The following ARIH2 variants were observed in gnomAD, a reference collection of about 807,000 sequenced individuals.
The protein encoded by ARIH2 is ariadne RBR E3 ubiquitin protein ligase 2.
In ARIH2, 12 loss-of-function variants were observed where a neutral mutation model predicts 79.8. That is an observed-to-expected ratio of 0.15 (90% CI 0.10 to 0.24). The LOEUF is 0.24. Among genes scored for constraint, ARIH2 ranks in the 10% least tolerant of loss-of-function variants. ARIH2 has a pLI of 1.00. For synonymous variants in ARIH2, 224 were observed against 213.9 expected, an observed-to-expected ratio of 1.05 and a Z score of -0.41; for missense variants, 301 against 618.3, an observed-to-expected ratio of 0.49 and a Z score of 5.44.
chr3:48,919,921 C>T (rs983210393), intron 1 of ARIH2, among the ~76,000 whole-genome samples: 5 of 151,940 alleles, frequency 3.3e-5, no homozygotes, highest in African/African-American at 1.2e-4. Flanking sequence ...TGGGCAAGCC[C>T]AGGATGGTTG....
chr3:48,977,203 A>AAAAC (rs749803846), intron 11 of ARIH2, among the ~76,000 whole-genome samples: 3 of 152,038 alleles, frequency 2.0e-5, no homozygotes, highest in Non-Finnish European at 4.4e-5. Flanking sequence ...CTCCGTCTCA[A>AAAAC]AAACAAACAA....
chr3:48,974,790 C>A, intron 9 of ARIH2, 27 bp from the exon 10 acceptor site: 1 of 1,612,082 alleles, frequency 6.2e-7, no homozygotes, highest in African/African-American at 1.3e-5. Flanking sequence ...GGTGTGTGAG[C>A]CTAATGGCAC....
chr3:48,939,234 C>G (rs927610192), intron 3 of ARIH2, among the ~76,000 whole-genome samples: 25 of 152,028 alleles, frequency 1.6e-4, no homozygotes, highest in Non-Finnish European at 3.7e-4. Context: ...TCCCAAAGTG[C>G]TGGGATTACG....
chr3:48,983,506 CT>C lies in ARIH2; in HGVS notation c.*237del. ...CTCTTTTCAGGACTTTTATTTCCCC[CT>C]GGATGGTTGTTGGGAGGGAGGGAAA... On this transcript the variant is annotated 3_prime_UTR_variant, in exon 16 of 16. Transcript: ENST00000356401. 2 of 555,196 alleles carry C rather than the reference CT, an allele frequency of 3.6e-6. No individual in the cohort carries two copies. Among genetic ancestry groups the C allele is most frequent in the Non-Finnish European group, 6.4e-6 (2 of 313,334 alleles). The allele number at this position is 555,196 out of a possible 1,614,324, so 34.4% of individuals were successfully genotyped here.
rs1387366773 is a variant in ARIH2, at chr3:48,978,427, G to A, written c.962-1055G>A. ...ACACCTGGCTAATTTGTGTATGTGT[G>A]TGTGTGTGTGTGTGTGTGTGTGTGT... On this transcript the variant is annotated intron_variant, in intron 11 of 15. Transcript: ENST00000356401. Among the ~76,000 whole-genome samples, 636 of 96,174 alleles carry A rather than the reference G, an allele frequency of 6.6e-3. 5 individuals carry two copies. The highest frequency in any genetic ancestry group is 0.023 in the African/African-American group (615 of 26,336). 63.1% of individuals were successfully genotyped at this position (96,174 alleles called of 152,430 possible).
intron 3 of ARIH2, among the ~76,000 whole-genome samples, chr3:48,936,898 G>A (rs1263523412): frequency 6.6e-6 from 1 of 151,448 alleles, no homozygotes; most frequent in East Asian, 1.9e-4. Flanking sequence ...CATGGTGGCA[G>A]GCGCCTATAG....
intron 1 of ARIH2, chr3:48,922,205 C>G (rs764828536): frequency 2.6e-5 from 4 of 151,782 alleles, no homozygotes; most frequent in African/African-American, 9.7e-5. Context: ...ACCTGGGTGA[C>G]AGAGGGAGGC....
At chr3:48,976,287 C>T (rs1271495832) in intron 11 of ARIH2, among the ~76,000 whole-genome samples, 2 of 150,576 alleles carry the variant, frequency 1.3e-5, no homozygotes, top group Non-Finnish European at 2.9e-5. Context: ...GATCTTGGCT[C>T]AATGCAACAT....
At chr3:48,919,288 G>T in intron 1 of ARIH2, 2 of 1,071,208 alleles carry the variant, frequency 1.9e-6, no homozygotes, top group South Asian at 4.9e-5. Flanking sequence ...TCCCTGTCTG[G>T]CGCGGCGGGG....
chr3:48,958,128 G>A (rs1463806397), intron 3 of ARIH2, among the ~76,000 whole-genome samples: 1 of 152,170 alleles, frequency 6.6e-6, no homozygotes, highest in African/African-American at 2.4e-5. Context: ...TTTGAGACCT[G>A]CCTGAGCAAC....
At chr3:48,932,114 A>G (rs1042414232) in intron 3 of ARIH2, among the ~76,000 whole-genome samples, 10 of 152,194 alleles carry the variant, frequency 6.6e-5, no homozygotes, top group African/African-American at 4.8e-5. Flanking sequence ...GGACCAGTCT[A>G]TGAGTAAAGT....
chr3:48,930,358 C>G (rs1217286506), intron 3 of ARIH2, among the ~76,000 whole-genome samples: 1 of 152,158 alleles, frequency 6.6e-6, no homozygotes, highest in East Asian at 1.9e-4. Flanking sequence ...TAGCATGTTC[C>G]TGTAGTCCCA....
rs550260830 is a variant in ARIH2, at chr3:48,948,254, C to T, written c.256-13358C>T. Among the ~76,000 whole-genome samples the T allele has an allele frequency of 8.6e-5, 13 of 152,032 alleles. No homozygotes were observed. In the Middle Eastern group the frequency reaches 0.017, roughly 200 times the overall value. ...GGGATTACCGGCGTGAGCCACTGCG[C>T]CCGGCCTCCTTTTTATTTTATTTTA... is the stretch of plus-strand genomic sequence containing the variant. On this transcript the variant is annotated intron_variant, in intron 3 of 15. Coordinates refer to ENST00000356401, the MANE Select transcript of ARIH2 (RefSeq NM_006321.4).
At chr3:48,955,061 G>A (rs1032098481) in intron 3 of ARIH2, among the ~76,000 whole-genome samples, 1 of 152,106 alleles carries the variant, frequency 6.6e-6, no homozygotes, top group African/African-American at 2.4e-5. Context: ...AGCTGGGCGT[G>A]GTGTTGAGTG....
intron 2 of ARIH2, among the ~76,000 whole-genome samples, chr3:48,926,558 C>T (rs2085644969): frequency 6.6e-6 from 1 of 151,210 alleles, no homozygotes; most frequent in Admixed American, 6.6e-5. Flanking sequence ...GCGTGAGCCA[C>T]CGCACCCGGC....
intron 3 of ARIH2, among the ~76,000 whole-genome samples, chr3:48,930,390 G>A (rs1355758786): frequency 2.0e-5 from 3 of 152,176 alleles, no homozygotes; most frequent in Non-Finnish European, 4.4e-5. Flanking sequence ...GGCTGAGGTG[G>A]GAGGATCACT....
At chr3:48,973,659 C>A in intron 8 of ARIH2, 40 bp from the exon 9 acceptor site, 2 of 1,489,480 alleles carry the variant, frequency 1.3e-6, no homozygotes, top group Admixed American at 1.7e-5. Context: ...GGGACCCTGA[C>A]TTAATGAATA....
At chr3:48,976,822 T>C (rs2092527368) in intron 11 of ARIH2, among the ~76,000 whole-genome samples, 1 of 151,896 alleles carries the variant, frequency 6.6e-6, no homozygotes, top group African/African-American at 2.4e-5. Context: ...GAGAATCACT[T>C]GAACCCCGGA....
chr3:48,919,385 G>A (rs1235984704), intron 1 of ARIH2: 35 of 431,916 alleles, frequency 8.1e-5, no homozygotes. Flanking sequence ...CGCCTGTGGA[G>A]GGTATCCCCA....
Sources: gnomAD v4.1 joint callset for allele counts (sites outside exome capture counted in the v4.1 genomes callset) on GRCh38, gnomAD v4.1.1 for gene constraint, MANE v1.5 for transcripts, NCBI Gene and HGNC (gene_info 2026-07-23, HGNC 2026-07-21) for gene names.